Variants in AK8 observed in about 807,000 individuals in gnomAD.
AK8 encodes the protein ATP-AMP transphosphorylase 8.
A neutral mutation model predicts 54.6 loss-of-function variants in AK8; 44 were observed. That is an observed-to-expected ratio of 0.81 (90% CI 0.63 to 1.04). AK8 has a LOEUF of 1.04. AK8 is among the 50% of genes least tolerant of loss of function. AK8 has a pLI of 0.00. For missense variants in AK8, 555 were observed against 613.6 expected (o/e 0.90, Z 1.01); for synonymous variants, 239 against 245.6 (o/e 0.97, Z 0.25).
intron 2 of AK8, among the ~76,000 whole-genome samples, chr9:132,874,898 G>C (rs1432243922): frequency 1.3e-5 from 2 of 152,154 alleles, no homozygotes; most frequent in Non-Finnish European, 2.9e-5. Flanking sequence ...AGAAATCAAG[G>C]CATTTTTCAA....
intron 10 of AK8, among the ~76,000 whole-genome samples, chr9:132,804,196 C>G (rs945609422): frequency 6.6e-6 from 1 of 151,908 alleles, no homozygotes; most frequent in African/African-American, 2.4e-5. Context: ...ATGCAGGCAG[C>G]AGAGGGCAGC....
intron 5 of AK8, among the ~76,000 whole-genome samples, chr9:132,839,442 T>G (rs1216328899): frequency 1.3e-5 from 2 of 152,238 alleles, no homozygotes; most frequent in East Asian, 3.8e-4. Context: ...TCATGGGTCC[T>G]GGTGGACAGG....
At chr9:132,807,542 T>C (rs1346270611) in intron 10 of AK8, among the ~76,000 whole-genome samples, 5 of 152,216 alleles carry the variant, frequency 3.3e-5, no homozygotes, top group Non-Finnish European at 7.3e-5. Flanking sequence ...GAACAGTTCC[T>C]TGGGCCAGGG....
In AK8 at chr9:132,799,526, C is replaced by T. The variant is rs992789461; in HGVS notation, c.980-6751G>A. On this transcript the variant is annotated intron_variant, in intron 10 of 12. Coordinates refer to ENST00000298545, the MANE Select transcript of AK8 (RefSeq NM_152572.3). This position sits in a 1 kb window ranked among gnomAD's most constrained non-coding sequence, Gnocchi z 5.0. ...CACACTACATACATGTCTACACACA[C>T]GACACCTGACACACTACAACACACA... is the stretch of plus-strand genomic sequence containing the variant. Among the ~76,000 whole-genome samples the T allele has an allele frequency of 6.6e-5, 10 of 151,824 alleles. No individual in the cohort carries two copies. Among genetic ancestry groups the T allele is most frequent in the Admixed American group, 2.6e-4 (4 of 15,228 alleles).
At chr9:132,763,566 T>G (rs1382524231) in intron 11 of AK8, among the ~76,000 whole-genome samples, 1 of 152,246 alleles carries the variant, frequency 6.6e-6, no homozygotes, top group Non-Finnish European at 1.5e-5. Context: ...CACCAAGTTT[T>G]GGCCAACTAA....
intron 5 of AK8, among the ~76,000 whole-genome samples, chr9:132,853,104 C>T (rs1843033029): frequency 1.3e-5 from 2 of 152,060 alleles, no homozygotes; most frequent in African/African-American, 4.8e-5. Flanking sequence ...CACCTGTAAT[C>T]CCAGCACTTT....
At chr9:132,745,478 G>A (rs1484689541) in intron 11 of AK8, among the ~76,000 whole-genome samples, 1 of 152,196 alleles carries the variant, frequency 6.6e-6, no homozygotes, top group Non-Finnish European at 1.5e-5. Context: ...TGTAGTTACA[G>A]TACCCGAGCT....
In AK8 at chr9:132,828,573, G is replaced by A. The variant is rs76240646; in HGVS notation, c.484+72C>T. 4.2e-3 allele frequency: 5,777 copies of A among 1,368,710 alleles called. 17 individuals are homozygous for A. The highest frequency in any genetic ancestry group is 4.9e-3 in the Admixed American group (229 of 46,614). 84.8% of individuals were successfully genotyped at this position (1,368,710 alleles called of 1,614,324 possible). A position where few individuals can be genotyped will look rare whatever the true frequency, so the allele number is the denominator to read the frequency against. ...GGCTGAGGTCAGGAGCAGGCAGCATGAGCGGGGCGCTCACTGGCCACCCCT... is the reference window on the plus strand; with the variant it reads ...GGCTGAGGTCAGGAGCAGGCAGCATAAGCGGGGCGCTCACTGGCCACCCCT... On this transcript the variant is annotated intron_variant, in intron 6 of 12. Transcript: ENST00000298545.
intron 10 of AK8, among the ~76,000 whole-genome samples, chr9:132,795,044 G>C (rs566721817): frequency 6.6e-6 from 1 of 152,320 alleles, no homozygotes; most frequent in South Asian, 2.1e-4. Flanking sequence ...GTTGCCTGTG[G>C]TCAGGGCGTG....
At chr9:132,871,403 C>T (rs1037441092) in intron 2 of AK8, among the ~76,000 whole-genome samples, 1 of 152,190 alleles carries the variant, frequency 6.6e-6, no homozygotes, top group African/African-American at 2.4e-5. Flanking sequence ...CTCTTCTTTC[C>T]ATTTCAGTGG....
chr9:132,777,892 T>G (rs61554156), intron 11 of AK8, among the ~76,000 whole-genome samples: 4,743 of 152,332 alleles, frequency 0.031, 242 homozygotes, highest in African/African-American at 0.11. Context: ...TTTTTCACCC[T>G]TGTCCACCGA....
chr9:132,762,965 G>A (rs1330218707), intron 11 of AK8, among the ~76,000 whole-genome samples: 1 of 152,182 alleles, frequency 6.6e-6, no homozygotes, highest in African/African-American at 2.4e-5. Flanking sequence ...GAACCAGGAG[G>A]AACGTCTTCC....
In AK8 at chr9:132,860,856, TGTTTACA is replaced by T. The variant is rs1453269327; in HGVS notation, c.333+2802_333+2808del. On this transcript the variant is annotated intron_variant, in intron 4 of 12. Coordinates refer to ENST00000298545, the MANE Select transcript of AK8 (RefSeq NM_152572.3). This position sits in a 1 kb window ranked among gnomAD's most constrained non-coding sequence, Gnocchi z 4.4. ...CTGCAGATTGTGGGGCAGAGTCTTA[TGTTTACA>T]GGAGGTCTTGCCATTGTCCACACTG... Among the ~76,000 whole-genome samples the T allele has an allele frequency of 2.6e-5, 4 of 152,212 alleles. No individual in the cohort carries two copies. The highest frequency in any genetic ancestry group is 6.5e-5 in the Admixed American group (1 of 15,282).
intron 11 of AK8, among the ~76,000 whole-genome samples, chr9:132,757,655 A>G (rs2131040095): frequency 6.6e-6 from 1 of 152,338 alleles, no homozygotes; most frequent in East Asian, 1.9e-4. Context: ...CGGCAACCGC[A>G]GAGGTGGATC....
intron 11 of AK8, among the ~76,000 whole-genome samples, chr9:132,754,637 G>T (rs554455771): frequency 6.6e-6 from 1 of 152,020 alleles, no homozygotes; most frequent in African/African-American, 2.4e-5. Context: ...TGCTGTTCCC[G>T]GGAGGACAGT....
At chr9:132,758,260 G>A (rs759896800) in intron 11 of AK8, among the ~76,000 whole-genome samples, 4 of 152,190 alleles carry the variant, frequency 2.6e-5, no homozygotes, top group Non-Finnish European at 5.9e-5. Context: ...CATACGGCAT[G>A]TTTATTACAG....
chr9:132,743,149 A>C (rs1052381038), intron 11 of AK8, among the ~76,000 whole-genome samples: 2 of 152,130 alleles, frequency 1.3e-5, no homozygotes, highest in African/African-American at 2.4e-5. Flanking sequence ...ATCTTTCTCC[A>C]CCTGCAACAG....
At chr9:132,739,780 GGAA>G (rs1274365667) in intron 11 of AK8, among the ~76,000 whole-genome samples, 6 of 152,354 alleles carry the variant, frequency 3.9e-5, no homozygotes, top group Admixed American at 6.5e-5. Context: ...ATGGAAGTCA[GGAA>G]GAAAAGAGAA....
intron 11 of AK8, among the ~76,000 whole-genome samples, chr9:132,740,002 C>A (rs902689685): frequency 2.0e-5 from 3 of 152,248 alleles, no homozygotes; most frequent in Non-Finnish European, 4.4e-5. Context: ...GGAGGGACGA[C>A]CCCTGATTTG....
Sources: gnomAD v4.1 joint callset for allele counts (sites outside exome capture counted in the v4.1 genomes callset) on GRCh38, gnomAD v4.1.1 for gene constraint, Gnocchi (gnomAD v3.1) non-coding constraint, MANE v1.5 for transcripts, NCBI Gene and HGNC (gene_info 2026-07-23, HGNC 2026-07-21) for gene names.